The following RBFOX3 variants were observed in gnomAD, a reference collection of about 807,000 sequenced individuals.
RBFOX3 encodes RNA binding protein fox-1 homolog 3.
Under a neutral mutation model 48.7 loss-of-function variants are expected in RBFOX3, and 17 were observed. The ratio of observed to expected loss-of-function variants is 0.35; its 90% CI spans 0.24 to 0.52. RBFOX3 has a LOEUF of 0.52. Ranked by LOEUF, RBFOX3 falls within the 20% of genes least tolerant of loss-of-function variation. RBFOX3 has a pLI of 0.94. For missense variants in RBFOX3, 382 were observed against 497.5 expected (o/e 0.77, Z 2.21); for synonymous variants, 212 against 209.5 (o/e 1.01, Z -0.10).
intron 2 of RBFOX3, among the ~76,000 whole-genome samples, chr17:79,339,323 TG>T (rs949974936): frequency 1.7e-4 from 26 of 152,196 alleles, no homozygotes; most frequent in Non-Finnish European, 2.4e-4. Context: ...CCCAAAGCGC[TG>T]GGGTTACAGG....
At position 79,558,937 on chromosome 17, in the gene RBFOX3, C is replaced by A. The variant is rs1051077848; in HGVS notation, c.-320+51889G>T. ...GTGTGGATTCAACGTGGGCAGGTGCCCTCACATAGCAAGCATTTACCAGGC... is the reference window on the plus strand; with the variant it reads ...GTGTGGATTCAACGTGGGCAGGTGCACTCACATAGCAAGCATTTACCAGGC... On this transcript the variant is annotated intron_variant, in intron 1 of 14. Coordinates refer to ENST00000693108, the MANE Select transcript of RBFOX3 (RefSeq NM_001350451.2). Among the ~76,000 whole-genome samples the A allele has an allele frequency of 5.3e-3, 805 of 152,156 alleles. 7 individuals are homozygous for A. The highest frequency in any genetic ancestry group is 0.018 in the African/African-American group (734 of 41,530).
chr17:79,097,431 G>C lies in RBFOX3; in HGVS notation c.623-7C>G, dbSNP rs2075546067. The C allele has an allele frequency of 6.5e-7, 1 of 1,541,854 alleles. No homozygotes were observed. Among genetic ancestry groups the C allele is most frequent in the African/African-American group, 1.4e-5 (1 of 72,756 alleles). On this transcript the variant is annotated splice_polypyrimidine_tract_variant and splice_region_variant and intron_variant, in intron 10 of 14. Coordinates refer to ENST00000693108, the MANE Select transcript of RBFOX3 (RefSeq NM_001350451.2). ...GGGTAGGGGAACCCCGTCACTGCAG[G>C]AAACGGGGCCCGAGACACGTGTGAG...
chr17:79,246,207 T>G (rs2063150747), intron 3 of RBFOX3, among the ~76,000 whole-genome samples: 1 of 152,198 alleles, frequency 6.6e-6, no homozygotes, highest in South Asian at 2.1e-4. Context: ...GAAACGACCC[T>G]GCCTCAGGTC....
intron 2 of RBFOX3, among the ~76,000 whole-genome samples, chr17:79,367,144 G>T (rs149377682): frequency 0.012 from 1,788 of 152,160 alleles, 30 homozygotes; most frequent in Non-Finnish European, 0.018. Flanking sequence ...CCTTCGCAGA[G>T]TCGGCTTCCG....
chr17:79,631,753 A>T, the RBFOX3 span, among the ~76,000 whole-genome samples: 1 of 152,146 alleles, frequency 6.6e-6, no homozygotes, highest in Non-Finnish European at 1.5e-5. Context: ...TGGAGAAATG[A>T]TGGAGACCCA....
intron 1 of RBFOX3, among the ~76,000 whole-genome samples, chr17:79,495,180 C>T (rs1174809833): frequency 2.0e-5 from 3 of 150,668 alleles, no homozygotes; most frequent in African/African-American, 4.9e-5. Flanking sequence ...TGGCTTACGT[C>T]GGGTGGGAGG....
At chr17:79,106,203 G>A (rs1027355707) in intron 6 of RBFOX3, among the ~76,000 whole-genome samples, 7 of 152,144 alleles carry the variant, frequency 4.6e-5, no homozygotes, top group African/African-American at 1.4e-4. Context: ...CAGGGCTGGG[G>A]CTGCTGCTCT....
intron 1 of RBFOX3, among the ~76,000 whole-genome samples, chr17:79,565,190 T>C (rs1159552799): frequency 6.6e-6 from 1 of 152,140 alleles, no homozygotes; most frequent in East Asian, 1.9e-4. Flanking sequence ...AAAGTAGTTA[T>C]CTCTGGGTGG....
intron 4 of RBFOX3, among the ~76,000 whole-genome samples, chr17:79,165,030 G>C (rs1304095334): frequency 6.6e-6 from 1 of 152,148 alleles, no homozygotes; most frequent in African/African-American, 2.4e-5. Flanking sequence ...CAGGAGGAAG[G>C]AGCCTCTGAC....
At chr17:79,238,910 A>G (rs1343452976) in intron 3 of RBFOX3, among the ~76,000 whole-genome samples, 2 of 152,160 alleles carry the variant, frequency 1.3e-5, no homozygotes, top group African/African-American at 2.4e-5. Context: ...TGATGCCTCA[A>G]CCACAGGGTC....
chr17:79,332,598 GAGAGAACAGAGACACACACAGAGAGACAA>G (rs1305556788), intron 2 of RBFOX3, among the ~76,000 whole-genome samples: 1 of 152,054 alleles, frequency 6.6e-6, no homozygotes, highest in Non-Finnish European at 1.5e-5. Context: ...CAGAGAGACA[GAGAGAACAGAGACACACACAGAGAGACAA>G]AGAGAGACAG....
chr17:79,522,791 A>G (rs925276260), intron 1 of RBFOX3, among the ~76,000 whole-genome samples: 65 of 152,014 alleles, frequency 4.3e-4, no homozygotes, highest in African/African-American at 1.5e-3. Flanking sequence ...TTAGCCAGGC[A>G]TGGTGGTTGA....
rs765558182 is a variant in RBFOX3, at chr17:79,198,322, G to C, written c.-34+37444C>G. ...GAGGCGACCTTGCAGGCACAGGTGC[G>C]GACAGGAAGGAGAGCCTGCACCTGG... On this transcript the variant is annotated intron_variant, in intron 4 of 14. Transcript: ENST00000693108. This position sits in a 1 kb window ranked among gnomAD's most constrained non-coding sequence, Gnocchi z 8.2. Among the ~76,000 whole-genome samples, 18 of 152,320 alleles carry C rather than the reference G, an allele frequency of 1.2e-4. No homozygotes were observed. The highest frequency in any genetic ancestry group is 2.4e-4 in the Non-Finnish European group (16 of 68,030).
chr17:79,338,963 T>A (rs779099814), intron 2 of RBFOX3, among the ~76,000 whole-genome samples: 1 of 152,182 alleles, frequency 6.6e-6, no homozygotes, highest in Non-Finnish European at 1.5e-5. Context: ...GGCGGTTCTA[T>A]AAAAATTCAG....
At chr17:79,258,475 C>G (rs541849898) in intron 3 of RBFOX3, among the ~76,000 whole-genome samples, 6 of 152,192 alleles carry the variant, frequency 3.9e-5, no homozygotes, top group African/African-American at 1.2e-4. Flanking sequence ...TTACTGAGCA[C>G]GGGAATGTGC....
intron 4 of RBFOX3, among the ~76,000 whole-genome samples, chr17:79,213,760 T>C (rs564191344): frequency 1.3e-5 from 2 of 152,336 alleles, no homozygotes; most frequent in South Asian, 4.1e-4. Context: ...CCTCCTCTCT[T>C]GGACTCCCAC....
At chr17:79,337,224 A>G (rs1203237719) in intron 2 of RBFOX3, among the ~76,000 whole-genome samples, 2 of 152,126 alleles carry the variant, frequency 1.3e-5, no homozygotes, top group African/African-American at 4.8e-5. Flanking sequence ...CCAGGCTAGG[A>G]CTTTTCAAAG....
At chr17:79,287,425 G>C (rs1480573477) in intron 3 of RBFOX3, among the ~76,000 whole-genome samples, 1 of 152,204 alleles carries the variant, frequency 6.6e-6, no homozygotes, top group African/African-American at 2.4e-5. Flanking sequence ...TGAGTGGGGG[G>C]TAGAGTGGGG....
At chr17:79,290,512 G>A (rs907962431) in intron 3 of RBFOX3, among the ~76,000 whole-genome samples, 1 of 152,000 alleles carries the variant, frequency 6.6e-6, no homozygotes, top group African/African-American at 2.4e-5. Context: ...TGGTGCCTGG[G>A]AAGTGGTTCA....
Sources: gnomAD v4.1 joint callset for allele counts (sites outside exome capture counted in the v4.1 genomes callset) on GRCh38, gnomAD v4.1.1 for gene constraint, Gnocchi (gnomAD v3.1) non-coding constraint, MANE v1.5 for transcripts, NCBI Gene and HGNC (gene_info 2026-07-23, HGNC 2026-07-21) for gene names.